The following PTPRD variants were observed in gnomAD, a reference collection of about 807,000 sequenced individuals.
PTPRD encodes receptor-type tyrosine-protein phosphatase delta.
PTPRD carries 34 observed loss-of-function variants against 214.5 expected under a neutral mutation model. The observed-to-expected ratio is 0.16, with a 90% confidence interval of 0.12 to 0.21. The LOEUF is 0.21. Ranked by LOEUF, PTPRD falls within the 10% of genes least tolerant of loss-of-function variation. The pLI is 1.00. For missense variants in PTPRD, 2,545 were observed against 2,398.7 expected, an observed-to-expected ratio of 1.06 and a Z score of -1.27; for synonymous variants, 1,128 against 845.7, an observed-to-expected ratio of 1.33 and a Z score of -5.79.
chr9:9,587,865 T>G (rs147645702), intron 7 of PTPRD, among the ~76,000 whole-genome samples: 1,576 of 152,010 alleles, frequency 0.01, 18 homozygotes, highest in Non-Finnish European at 0.018. Flanking sequence ...TGGTTGGAAT[T>G]GGAGGATAAA....
At chr9:9,222,444 T>C (rs1477090012) in intron 9 of PTPRD, among the ~76,000 whole-genome samples, 2 of 152,096 alleles carry the variant, frequency 1.3e-5, no homozygotes, top group African/African-American at 2.4e-5. Flanking sequence ...TTTTCAATTA[T>C]GTAGCATTTC....
At chr9:8,579,346 T>A (rs1375290753) in intron 14 of PTPRD, among the ~76,000 whole-genome samples, 2 of 152,214 alleles carry the variant, frequency 1.3e-5, no homozygotes, top group East Asian at 1.9e-4. Context: ...AGAAAAGATA[T>A]AATAAAAGTA....
At chr9:9,438,773 A>G (rs2144130743) in intron 8 of PTPRD, among the ~76,000 whole-genome samples, 1 of 152,318 alleles carries the variant, frequency 6.6e-6, no homozygotes, top group Admixed American at 6.5e-5. Context: ...TCAACATTCT[A>G]GTGTTAAATA....
chr9:9,302,799 G>A (rs1464765201), intron 9 of PTPRD, among the ~76,000 whole-genome samples: 1 of 151,314 alleles, frequency 6.6e-6, no homozygotes, highest in Admixed American at 6.6e-5. Context: ...TAACTCCTAT[G>A]TATGCTCCTT....
intron 9 of PTPRD, among the ~76,000 whole-genome samples, chr9:9,357,275 G>T (rs1250901652): frequency 6.6e-6 from 1 of 151,276 alleles, no homozygotes; most frequent in Non-Finnish European, 1.5e-5. Context: ...TAGGACTTTG[G>T]GGATGTCAAA....
chr9:10,146,930 C>A (rs923868141), intron 3 of PTPRD, among the ~76,000 whole-genome samples: 8 of 152,092 alleles, frequency 5.3e-5, no homozygotes, highest in African/African-American at 1.9e-4. Context: ...GTGCTGCTGA[C>A]AGAGACAGTT....
intron 11 of PTPRD, among the ~76,000 whole-genome samples, chr9:8,883,975 G>A (rs748288157): frequency 2.0e-5 from 3 of 152,316 alleles, no homozygotes; most frequent in Admixed American, 6.5e-5. Context: ...GTATTGGGAC[G>A]AATGGGAGTG....
chr9:9,192,529 G>A (rs1009006894), intron 9 of PTPRD, among the ~76,000 whole-genome samples: 2 of 152,048 alleles, frequency 1.3e-5, no homozygotes, highest in African/African-American at 4.8e-5. Context: ...TTCTGTGGAA[G>A]CAACAATTCA....
intron 12 of PTPRD, among the ~76,000 whole-genome samples, chr9:8,660,492 T>A (rs2097018953): frequency 6.6e-6 from 1 of 152,156 alleles, no homozygotes; most frequent in African/African-American, 2.4e-5. Context: ...CACATTCCTG[T>A]CTCCTATTAC....
chr9:9,557,284 C>T (rs1194887739), intron 8 of PTPRD, among the ~76,000 whole-genome samples: 5 of 152,088 alleles, frequency 3.3e-5, no homozygotes, highest in Admixed American at 3.3e-4. Flanking sequence ...GGAATTCAGG[C>T]ACAATTGATC....
At chr9:9,486,701 A>C (rs2095652968) in intron 8 of PTPRD, among the ~76,000 whole-genome samples, 1 of 152,162 alleles carries the variant, frequency 6.6e-6, no homozygotes, top group Admixed American at 6.6e-5. Context: ...TACAATCTTC[A>C]GATCTCAGAT....
chr9:9,981,779 G>A (rs1010265696), intron 4 of PTPRD, among the ~76,000 whole-genome samples: 12 of 152,022 alleles, frequency 7.9e-5, no homozygotes, highest in Non-Finnish European at 1.6e-4. Flanking sequence ...TTTTTGACTC[G>A]TATCATACTC....
chr9:10,016,292 G>C (rs975336382), intron 4 of PTPRD, among the ~76,000 whole-genome samples: 9 of 152,048 alleles, frequency 5.9e-5, no homozygotes, highest in Admixed American at 1.3e-4. Flanking sequence ...ACAGTAGTGA[G>C]TTATAACTAT....
chr9:8,478,586 A>G (rs954515533), intron 30 of PTPRD, among the ~76,000 whole-genome samples: 2 of 152,168 alleles, frequency 1.3e-5, no homozygotes, highest in African/African-American at 2.4e-5. Flanking sequence ...GAAGTTCCCT[A>G]TGTCATTACA....
chr9:9,423,031 G>C (rs1044943411), intron 8 of PTPRD, among the ~76,000 whole-genome samples: 1 of 152,146 alleles, frequency 6.6e-6, no homozygotes, highest in Non-Finnish European at 1.5e-5. Context: ...GAACAAAGCT[G>C]AGTCTAGACT....
intron 9 of PTPRD, among the ~76,000 whole-genome samples, chr9:9,307,724 T>A (rs1957571348): frequency 6.6e-6 from 1 of 152,188 alleles, no homozygotes; most frequent in African/African-American, 2.4e-5. Context: ...CTTCAGTAAC[T>A]CTGCATAACT....
intron 5 of PTPRD, among the ~76,000 whole-genome samples, chr9:9,821,810 A>C (rs978581914): frequency 1.3e-5 from 2 of 151,736 alleles, no homozygotes; most frequent in African/African-American, 4.8e-5. Context: ...ATTTGAATTT[A>C]AATATGCTTA....
intron 7 of PTPRD, among the ~76,000 whole-genome samples, chr9:9,593,448 T>C (rs2092967262): frequency 6.6e-6 from 1 of 151,984 alleles, no homozygotes; most frequent in Non-Finnish European, 1.5e-5. Context: ...AAACATGGTT[T>C]TGTTGTTGTT....
chr9:10,044,796 A>G (rs1759875891), intron 3 of PTPRD, among the ~76,000 whole-genome samples: 1 of 151,660 alleles, frequency 6.6e-6, no homozygotes, highest in Non-Finnish European at 1.5e-5. Context: ...TTCAGAAGCT[A>G]TGGGATAGAT....
Sources: allele counts gnomAD v4.1 joint callset (sites outside exome capture counted in the v4.1 genomes callset), GRCh38; gene constraint gnomAD v4.1.1; transcripts MANE v1.5; gene names NCBI Gene and HGNC (gene_info 2026-07-23, HGNC 2026-07-21).